The following PRKG1 variants were observed in gnomAD, a reference collection of about 807,000 sequenced individuals.
PRKG1 encodes protein kinase cGMP-dependent 1.
In PRKG1, 35 loss-of-function variants were observed where a neutral mutation model predicts 88.1. The observed-to-expected ratio is 0.40, with a 90% CI of 0.30 to 0.53. The LOEUF (loss-of-function observed/expected upper bound fraction) is 0.53, where lower values mean the gene tolerates loss of function less well. Ranked by LOEUF, PRKG1 falls within the 20% of genes least tolerant of loss-of-function variation. The probability of loss-of-function intolerance (pLI) is 0.59; values close to 1 mark genes in which losing one functional copy is unlikely to be tolerated. For synonymous variants in PRKG1, 303 were observed against 292.5 expected (o/e 1.04, Z -0.37); for missense variants, 540 against 839.8 (o/e 0.64, Z 4.41).
intron 5 of PRKG1, among the ~76,000 whole-genome samples, chr10:51,984,039 C>T (rs1160171575): frequency 3.9e-5 from 6 of 152,186 alleles, no homozygotes; most frequent in Non-Finnish European, 5.9e-5. Flanking sequence ...CTCACAGTCA[C>T]TTACGTTAAG....
intron 2 of PRKG1, among the ~76,000 whole-genome samples, chr10:51,280,900 G>T (rs1244320043): frequency 6.6e-6 from 1 of 152,200 alleles, no homozygotes; most frequent in East Asian, 1.9e-4. Flanking sequence ...TTGTTCCATT[G>T]CTGGCGAGGA....
intron 3 of PRKG1, among the ~76,000 whole-genome samples, chr10:51,659,795 C>T (rs1840250059): frequency 1.3e-5 from 2 of 151,998 alleles, no homozygotes; most frequent in African/African-American, 4.8e-5. Flanking sequence ...AAATGAGAGA[C>T]CCTGAATCCT....
chr10:51,308,297 C>T (rs138825755), intron 2 of PRKG1, among the ~76,000 whole-genome samples: 2,548 of 152,262 alleles, frequency 0.017, 19 homozygotes, highest in African/African-American at 0.022. Context: ...TAGCTAGAAA[C>T]AGGTCTCTGC....
intron 3 of PRKG1, among the ~76,000 whole-genome samples, chr10:51,524,113 C>T (rs892808531): frequency 7.2e-5 from 11 of 152,156 alleles, no homozygotes; most frequent in Non-Finnish European, 1.5e-5. Context: ...CTATAGAAGA[C>T]TCCTGCTTCT....
intron 7 of PRKG1, among the ~76,000 whole-genome samples, chr10:52,067,855 T>G (rs2133279419): frequency 6.6e-6 from 1 of 152,316 alleles, no homozygotes; most frequent in Admixed American, 6.5e-5. Flanking sequence ...ACTTCACGTT[T>G]AGTTCAATAA....
At chr10:51,784,313 C>T (rs1838674631) in intron 3 of PRKG1, among the ~76,000 whole-genome samples, 1 of 151,994 alleles carries the variant, frequency 6.6e-6, no homozygotes, top group African/African-American at 2.4e-5. Flanking sequence ...GAAAATTGCC[C>T]ATGGAATGCC....
At chr10:51,963,957 A>G (rs1461625903) in intron 5 of PRKG1, among the ~76,000 whole-genome samples, 2 of 152,222 alleles carry the variant, frequency 1.3e-5, no homozygotes, top group African/African-American at 2.4e-5. Context: ...CCTGGAGATC[A>G]AAAGTCTGAA....
chr10:51,722,819 G>C (rs1281145481), intron 3 of PRKG1, among the ~76,000 whole-genome samples: 2 of 152,160 alleles, frequency 1.3e-5, no homozygotes, highest in Non-Finnish European at 2.9e-5. Context: ...AGATACAAGA[G>C]AGAGTTATCT....
chr10:51,983,507 G>A (rs1589483727), intron 5 of PRKG1, among the ~76,000 whole-genome samples: 4 of 152,304 alleles, frequency 2.6e-5, no homozygotes, highest in East Asian at 3.9e-4. Context: ...GAGGACAGCA[G>A]ACCAAGGGGT....
intron 1 of PRKG1, among the ~76,000 whole-genome samples, chr10:51,002,004 C>G (rs1162620533): frequency 1.3e-5 from 2 of 149,666 alleles, no homozygotes; most frequent in African/African-American, 2.5e-5. Flanking sequence ...ATTTAAAAAG[C>G]TAAATTTTCT....
At chr10:51,083,837 C>CT (rs1248329881) in intron 1 of PRKG1, among the ~76,000 whole-genome samples, 19 of 152,308 alleles carry the variant, frequency 1.2e-4, no homozygotes, top group African/African-American at 4.6e-4. Flanking sequence ...CCTCTGTCCC[C>CT]TTAGATCCTT....
intron 2 of PRKG1, among the ~76,000 whole-genome samples, chr10:51,234,295 CT>C (rs1021576645): frequency 1.8e-4 from 28 of 152,104 alleles, no homozygotes; most frequent in African/African-American, 5.3e-4. Flanking sequence ...CACTCCTCAC[CT>C]TTAACTAATG....
chr10:51,705,997 C>T (rs1294611305), intron 3 of PRKG1, among the ~76,000 whole-genome samples: 2 of 152,144 alleles, frequency 1.3e-5, no homozygotes, highest in Non-Finnish European at 2.9e-5. Flanking sequence ...TCCTGTTTGT[C>T]TCTGAGTGTA....
At chr10:51,295,645 C>CTTCTTTTCTT (rs61664932) in intron 2 of PRKG1, among the ~76,000 whole-genome samples, 34 of 151,068 alleles carry the variant, frequency 2.3e-4, no homozygotes, top group Middle Eastern at 3.5e-3. Context: ...TTCCTTTCCT[C>CTTCTTTTCTT]TTCTTTTCTT....
rs777247750 is a variant in PRKG1 at position 51,698,610 on chromosome 10, TAGG to T, written c.593-105972_593-105970del. On this transcript the variant is annotated intron_variant, in intron 3 of 17. Coordinates refer to ENST00000373980, the MANE Select transcript of PRKG1 (RefSeq NM_006258.4). The stretch of plus-strand genomic sequence containing the variant: ...CCAGGAGTCACGGGTCCGCGAGGTA[TAGG>T]AGCTCTAGGATCTGACATCTGCACT... 5.6e-6 allele frequency: 9 copies of T among 1,613,792 alleles called. No homozygotes were observed. In the Admixed American group the frequency reaches 1.5e-4, roughly 27 times the overall value.
At chr10:51,005,086 G>A (rs539976803) in intron 1 of PRKG1, among the ~76,000 whole-genome samples, 3 of 152,078 alleles carry the variant, frequency 2.0e-5, no homozygotes, top group South Asian at 4.2e-4. Flanking sequence ...TAGTGATATT[G>A]GACTAGATTT....
intron 10 of PRKG1, chr10:52,253,563 T>C (rs1841234342): frequency 6.6e-6 from 1 of 151,892 alleles, no homozygotes; most frequent in Non-Finnish European, 1.5e-5. Flanking sequence ...CTCGTGTGTG[T>C]GCACACATGT....
chr10:51,052,088 A>C (rs2132770178), intron 1 of PRKG1, among the ~76,000 whole-genome samples: 1 of 152,314 alleles, frequency 6.6e-6, no homozygotes, highest in South Asian at 2.1e-4. Context: ...TGAATTTTAT[A>C]GTACAATAAA....
At chr10:51,789,687 T>C (rs1327222469) in intron 3 of PRKG1, among the ~76,000 whole-genome samples, 1 of 152,092 alleles carries the variant, frequency 6.6e-6, no homozygotes, top group Non-Finnish European at 1.5e-5. Flanking sequence ...TCAGCAAACA[T>C]TTATAGCCTT....
Sources: allele counts gnomAD v4.1 joint callset (sites outside exome capture counted in the v4.1 genomes callset), GRCh38; gene constraint gnomAD v4.1.1; transcripts MANE v1.5; gene names NCBI Gene and HGNC (gene_info 2026-07-23, HGNC 2026-07-21).